The following ERI3 variants were observed in gnomAD, a reference collection of about 807,000 sequenced individuals.
ERI3 encodes the protein ERI1 exoribonuclease family member 3.
ERI3 carries 18 observed loss-of-function variants against 44.4 expected under a neutral mutation model. The observed-to-expected ratio is 0.41, with a 90% CI of 0.28 to 0.60. The LOEUF (loss-of-function observed/expected upper bound fraction) is 0.60, where lower values mean the gene tolerates loss of function less well. Ranked by LOEUF, ERI3 falls within the 20% of genes least tolerant of loss-of-function variation. The pLI is 0.36. For missense variants in ERI3, 294 were observed against 435.5 expected, an observed-to-expected ratio of 0.68 and a Z score of 2.89; for synonymous variants, 183 against 164.8, an observed-to-expected ratio of 1.11 and a Z score of -0.84.
At chr1:44,344,283 GT>G (rs1186955639) in intron 2 of ERI3, among the ~76,000 whole-genome samples, 1 of 144,210 alleles carries the variant, frequency 6.9e-6, no homozygotes, top group Non-Finnish European at 1.5e-5. Context: ...AAATAAAATT[GT>G]TTTTTAAAAT....
chr1:44,285,554 A>G (rs1431134765), intron 6 of ERI3, among the ~76,000 whole-genome samples: 1 of 152,216 alleles, frequency 6.6e-6, no homozygotes, highest in East Asian at 1.9e-4. Flanking sequence ...AATTCAAATC[A>G]AGGGTCTGTT....
intron 5 of ERI3, among the ~76,000 whole-genome samples, chr1:44,309,592 G>A (rs1302817854): frequency 2.0e-5 from 3 of 151,950 alleles, no homozygotes; most frequent in Non-Finnish European, 4.4e-5. Flanking sequence ...TTCTACCCAT[G>A]CAAGAGATGT....
At chr1:44,325,128 G>C (rs1259090067) in intron 3 of ERI3, among the ~76,000 whole-genome samples, 1 of 144,466 alleles carries the variant, frequency 6.9e-6, no homozygotes, top group Admixed American at 7.0e-5. Flanking sequence ...TCAGGCTGGA[G>C]TGCAATGGCA....
At chr1:44,306,823 G>T (rs909101296) in intron 6 of ERI3, among the ~76,000 whole-genome samples, 1 of 152,194 alleles carries the variant, frequency 6.6e-6, no homozygotes, top group Non-Finnish European at 1.5e-5. Flanking sequence ...CTCTGGACTG[G>T]GCCAAAGGGC....
chr1:44,312,654 T>A (rs1645997685), intron 5 of ERI3, among the ~76,000 whole-genome samples: 1 of 152,240 alleles, frequency 6.6e-6, no homozygotes. Context: ...ACAGGCACAA[T>A]GCATCCAGCG....
intron 7 of ERI3, chr1:44,283,968 C>A (rs114597981): frequency 2.1e-6 from 1 of 469,336 alleles, no homozygotes; most frequent in East Asian, 7.0e-5. Context: ...CTTCTCTAAG[C>A]CCCCTGGGAG....
At chr1:44,262,407 A>G (rs571255171) in intron 7 of ERI3, among the ~76,000 whole-genome samples, 44 of 152,226 alleles carry the variant, frequency 2.9e-4, no homozygotes, top group African/African-American at 1.0e-3. Context: ...GGAAGGCAAC[A>G]CCATTTATAT....
At chr1:44,300,892 C>T (rs1645711044) in intron 6 of ERI3, among the ~76,000 whole-genome samples, 1 of 152,192 alleles carries the variant, frequency 6.6e-6, no homozygotes, top group Non-Finnish European at 1.5e-5. Flanking sequence ...GCGTGGCAGG[C>T]TGCACTGCAC....
intron 4 of ERI3, among the ~76,000 whole-genome samples, chr1:44,315,450 G>T (rs974272220): frequency 6.6e-6 from 1 of 152,216 alleles, no homozygotes; most frequent in African/African-American, 2.4e-5. Flanking sequence ...AAACCAGGGT[G>T]CTGCTCTGGT....
At chr1:44,234,163 C>G (rs779718295) in intron 8 of ERI3, among the ~76,000 whole-genome samples, 8 of 152,188 alleles carry the variant, frequency 5.3e-5, no homozygotes, top group Non-Finnish European at 1.0e-4. Flanking sequence ...CTTATCCCCT[C>G]CTGGAGCTTT....
At chr1:44,336,381 G>A (rs1252858201) in intron 3 of ERI3, among the ~76,000 whole-genome samples, 1 of 152,182 alleles carries the variant, frequency 6.6e-6, no homozygotes, top group African/African-American at 2.4e-5. Flanking sequence ...TCAACCTGCC[G>A]TCCCTTTCCT....
intron 1 of ERI3, chr1:44,354,639 G>A (rs773211742): frequency 1.5e-5 from 15 of 985,356 alleles, no homozygotes; most frequent in Non-Finnish European, 1.8e-5. Flanking sequence ...TCCATTTCTA[G>A]CCTCTCTAGT....
At chr1:44,354,807 T>C in intron 1 of ERI3, 85 bp downstream of exon 1, 17 of 1,301,154 alleles carry the variant, frequency 1.3e-5, no homozygotes, top group Non-Finnish European at 1.7e-5. Flanking sequence ...GCACCCCAGG[T>C]TGCATAAATT....
chr1:44,259,908 T>TAGACAGACAGAC (rs1327641717), intron 7 of ERI3, among the ~76,000 whole-genome samples: 2 of 146,504 alleles, frequency 1.4e-5, no homozygotes, highest in African/African-American at 5.4e-5. Context: ...GATAGATAGA[T>TAGACAGACAGAC]AGATAGATAG....
chr1:44,248,702 A>AGTGTGTGTGTGTGTGT (rs143570480), intron 7 of ERI3, among the ~76,000 whole-genome samples: 1 of 148,380 alleles, frequency 6.7e-6, no homozygotes, highest in African/African-American at 2.5e-5. Context: ...TGTGAGAGAG[A>AGTGTGTGTGTGTGTGT]GTGTGTGTGT....
At chr1:44,273,652 A>G (rs894966145) in intron 7 of ERI3, among the ~76,000 whole-genome samples, 1 of 152,244 alleles carries the variant, frequency 6.6e-6, no homozygotes, top group African/African-American at 2.4e-5. Context: ...AAAACATGTA[A>G]GCAGATAATT....
intron 8 of ERI3, chr1:44,243,496 A>G (rs1644487862): frequency 6.6e-6 from 1 of 152,220 alleles, no homozygotes; most frequent in Admixed American, 6.5e-5. Flanking sequence ...ATTACCTCTG[A>G]CAAATTATAA....
At chr1:44,280,086 C>T (rs1451993387) in intron 7 of ERI3, among the ~76,000 whole-genome samples, 1 of 152,204 alleles carries the variant, frequency 6.6e-6, no homozygotes, top group African/African-American at 2.4e-5. Context: ...GATCTTCTTC[C>T]ACTACTTCAT....
chr1:44,248,132 A>G (rs1165967715), intron 7 of ERI3, 94 bp from the exon 8 acceptor site: 1 of 750,822 alleles, frequency 1.3e-6, no homozygotes, highest in Non-Finnish European at 2.1e-6. Flanking sequence ...AATCTTTCCA[A>G]CAAGGAATCC....
Sources: gnomAD v4.1 joint callset for allele counts (sites outside exome capture counted in the v4.1 genomes callset) on GRCh38, gnomAD v4.1.1 for gene constraint, MANE v1.5 for transcripts, NCBI Gene and HGNC (gene_info 2026-07-23, HGNC 2026-07-21) for gene names.